POC1B: variants seen among roughly 807,000 people sequenced by gnomAD.
POC1B encodes POC1 centriolar protein homolog B.
A neutral mutation model predicts 60.6 loss-of-function variants in POC1B; 44 were observed. The observed-to-expected ratio is 0.73, with a 90% CI of 0.57 to 0.93. The LOEUF is 0.93. POC1B is among the 40% of genes least tolerant of loss of function. The pLI is 0.00. For missense variants in POC1B, 555 were observed against 572.3 expected, an observed-to-expected ratio of 0.97 and a Z score of 0.31; for synonymous variants, 180 against 198.9, an observed-to-expected ratio of 0.90 and a Z score of 0.80.
intron 2 of POC1B, among the ~76,000 whole-genome samples, chr12:89,498,565 A>C (rs1869376447): frequency 1.3e-5 from 2 of 152,242 alleles, no homozygotes; most frequent in South Asian, 4.1e-4. Context: ...GCCAACATAC[A>C]AAGTTCATTT....
intron 10 of POC1B, among the ~76,000 whole-genome samples, chr12:89,457,381 A>G (rs1220041473): frequency 1.3e-5 from 2 of 152,228 alleles, no homozygotes; most frequent in Admixed American, 6.5e-5. Context: ...AACTAAAAGA[A>G]AGAGATACAC....
chr12:89,471,662 C>T lies in POC1B; in HGVS notation c.628G>A (p.Val210Met), dbSNP rs1001021917. ...CIASAGSDQT[V>M]KVWDVRVNKL... The stretch of plus-strand genomic sequence containing the variant: ...TTCACTCTTACATCCCAGACTTTCA[C>T]AGTTTGATCAGAACCTGCTGAAGCT... Residue 210 changes from valine to methionine, a missense_variant, in exon 6 of 12, where the codon GTG becomes ATG. Transcript: ENST00000313546. 6.2e-7 allele frequency: 1 copy of T among 1,611,686 alleles called. No individual in the cohort carries two copies.
At chr12:89,416,119 C>T (rs948937295), downstream of POC1B, among the ~76,000 whole-genome samples, 3 of 152,178 alleles carry the variant, frequency 2.0e-5, no homozygotes, top group African/African-American at 7.2e-5. Flanking sequence ...AGCCAGACAA[C>T]GCACTAGGTG....
chr12:89,515,097 A>ACAT (rs1870383758), intron 2 of POC1B, among the ~76,000 whole-genome samples: 1 of 152,080 alleles, frequency 6.6e-6, no homozygotes, highest in African/African-American at 2.4e-5. Context: ...TTCACATGTC[A>ACAT]GCTACTTCAG....
intron 10 of POC1B, among the ~76,000 whole-genome samples, chr12:89,457,747 C>T (rs1192613883): frequency 3.3e-5 from 5 of 152,138 alleles, no homozygotes; most frequent in African/African-American, 1.2e-4. Flanking sequence ...TATAATTCAA[C>T]CTAATATTAT....
chr12:89,402,126 C>T, the POC1B span, among the ~76,000 whole-genome samples: 6 of 152,248 alleles, frequency 3.9e-5, no homozygotes, highest in East Asian at 1.2e-3. Flanking sequence ...TGTTATCTCT[C>T]TTCTTCCTTC....
intron 10 of POC1B, among the ~76,000 whole-genome samples, chr12:89,450,005 T>C (rs142342552): frequency 1.2e-4 from 19 of 152,288 alleles, no homozygotes; most frequent in African/African-American, 3.8e-4. Context: ...TAAGGTTTTA[T>C]CATTAAAAAT....
chr12:89,414,196 T>A, the POC1B span, among the ~76,000 whole-genome samples: 22 of 152,120 alleles, frequency 1.4e-4, no homozygotes, highest in Non-Finnish European at 3.2e-4. Context: ...CCCAGCCAAT[T>A]TTTTCTATTC....
At chr12:89,504,614 G>T (rs1168656571) in intron 2 of POC1B, among the ~76,000 whole-genome samples, 1 of 148,826 alleles carries the variant, frequency 6.7e-6, no homozygotes, top group Non-Finnish European at 1.5e-5. Flanking sequence ...AAAAAAAAAA[G>T]AAAGAAAAAA....
chr12:89,408,928 A>G, the POC1B span, among the ~76,000 whole-genome samples: 1 of 152,266 alleles, frequency 6.6e-6, no homozygotes, highest in Middle Eastern at 3.4e-3. Context: ...TCTTCTTTTG[A>G]AAAGTGTCTG....
intron 10 of POC1B, among the ~76,000 whole-genome samples, chr12:89,455,994 T>G (rs768334538): frequency 2.7e-5 from 4 of 148,722 alleles, no homozygotes; most frequent in Non-Finnish European, 4.5e-5. Context: ...TACAGTTAGT[T>G]TAAAACTCTT....
At chr12:89,501,628 G>C (rs1392775670) in intron 2 of POC1B, 6 of 1,269,614 alleles carry the variant, frequency 4.7e-6, no homozygotes, top group Non-Finnish European at 6.7e-6. Context: ...GAACAAACTT[G>C]TGTCTGAAGA....
the POC1B span, among the ~76,000 whole-genome samples, chr12:89,404,099 T>C: frequency 2.0e-5 from 3 of 151,130 alleles, no homozygotes; most frequent in Non-Finnish European, 4.4e-5. Flanking sequence ...GCCATTGTAT[T>C]CCAACCTGGA....
At chr12:89,510,920 A>AT (rs1009506119) in intron 2 of POC1B, among the ~76,000 whole-genome samples, 2 of 151,086 alleles carry the variant, frequency 1.3e-5, no homozygotes, top group Non-Finnish European at 3.0e-5. Flanking sequence ...ACACTGGCTA[A>AT]TTTTTTTTGT....
chr12:89,490,436 C>T (rs1868900817), intron 4 of POC1B, among the ~76,000 whole-genome samples: 1 of 152,154 alleles, frequency 6.6e-6, no homozygotes, highest in Non-Finnish European at 1.5e-5. Context: ...CCTCTGCCTC[C>T]TGGATTCAAG....
intron 4 of POC1B, among the ~76,000 whole-genome samples, chr12:89,475,945 C>T (rs1883085552): frequency 8.8e-6 from 1 of 114,222 alleles, no homozygotes; most frequent in South Asian, 2.7e-4. Flanking sequence ...GAGACAGGGT[C>T]ACCCAGGCTG....
intron 11 of POC1B, 58 bp from the exon 12 acceptor site, chr12:89,421,315 T>G: frequency 7.3e-7 from 1 of 1,366,212 alleles, no homozygotes; most frequent in South Asian, 1.3e-5. Context: ...AGGATGACAA[T>G]GACAATCTCT....
Position 89,525,982 on chromosome 12 carries a change from G to C in POC1B, c.-87C>G. The C allele has an allele frequency of 6.5e-7, 1 of 1,544,410 alleles. No homozygotes were observed. Among genetic ancestry groups the C allele is most frequent in the Non-Finnish European group, 8.7e-7 (1 of 1,145,376 alleles). ...GATGGGGAAGGAGAGGGGACCGTGC[G>C]GCTCCCGGAACCGTCTGCCCAGAGC... On this transcript the variant is annotated 5_prime_UTR_variant, in exon 1 of 12. Transcript: ENST00000313546.
chr12:89,438,210 C>T (rs1370192468), intron 10 of POC1B, among the ~76,000 whole-genome samples: 1 of 152,160 alleles, frequency 6.6e-6, no homozygotes, highest in African/African-American at 2.4e-5. Context: ...GTAATCCCAG[C>T]ACTTTGGGAG....
Sources: allele counts gnomAD v4.1 joint callset (sites outside exome capture counted in the v4.1 genomes callset), GRCh38; gene constraint gnomAD v4.1.1; transcripts MANE v1.5; gene names NCBI Gene and HGNC (gene_info 2026-07-23, HGNC 2026-07-21).